The following ARPP19 variants were observed in gnomAD, a reference collection of about 807,000 sequenced individuals.
ARPP19 encodes cAMP regulated phosphoprotein 19, also known as cAMP-regulated phosphoprotein 19.
A neutral mutation model predicts 12.0 loss-of-function variants in ARPP19; 8 were observed. The observed-to-expected ratio is 0.67, with a 90% confidence interval of 0.39 to 1.21. The LOEUF (loss-of-function observed/expected upper bound fraction) is 1.21, where lower values mean the gene tolerates loss of function less well. Among genes scored for constraint, ARPP19 ranks in the 50% most tolerant of loss-of-function variants. ARPP19 has a pLI of 0.01. For missense variants in ARPP19, 102 were observed against 136.3 expected (o/e 0.75, Z 1.25); for synonymous variants, 47 against 50.4 (o/e 0.93, Z 0.29).
At chr15:52,556,343 ACT>A (rs796756213) in intron 2 of ARPP19, among the ~76,000 whole-genome samples, 6 of 152,094 alleles carry the variant, frequency 3.9e-5, no homozygotes, top group African/African-American at 9.6e-5. Flanking sequence ...TGAAGATGGA[ACT>A]CTCTAATTTT....
rs755293294 is a variant in ARPP19, at chr15:52,568,911, G to T, written c.-19C>A. On this transcript the variant is annotated 5_prime_UTR_variant, in exon 1 of 3. Coordinates refer to ENST00000249822, the MANE Select transcript of ARPP19 (RefSeq NM_006628.6). ...CAGACATAGTGCTCCCTCTGCAGACGAGACGCCGGGAAAAGATGCAATTAG... is the reference window on the plus strand; with the variant it reads ...CAGACATAGTGCTCCCTCTGCAGACTAGACGCCGGGAAAAGATGCAATTAG... 6.4e-7 allele frequency: 1 copy of T among 1,554,944 alleles called. No homozygotes were observed. The highest frequency in any genetic ancestry group is 8.7e-7 in the Non-Finnish European group (1 of 1,152,034).
At chr15:52,562,478 A>C (rs1463273067) in intron 1 of ARPP19, among the ~76,000 whole-genome samples, 1 of 152,186 alleles carries the variant, frequency 6.6e-6, no homozygotes, top group Non-Finnish European at 1.5e-5. Flanking sequence ...CTACCCGGGC[A>C]ACACAGTAAG....
intron 2 of ARPP19, among the ~76,000 whole-genome samples, chr15:52,556,729 G>C (rs961920386): frequency 5.9e-5 from 9 of 151,974 alleles, no homozygotes; most frequent in Admixed American, 2.0e-4. Context: ...TAAGGGAAAG[G>C]GCTCATATTT....
At position 52,568,969 on chromosome 15, in the gene ARPP19, C is replaced by T. The variant is rs1195398844; in HGVS notation, c.-77G>A. The T allele has an allele frequency of 2.3e-5, 25 of 1,078,384 alleles. 1 individual carries two copies. The highest frequency in any genetic ancestry group is 2.4e-4 in the Middle Eastern group (1 of 4,102). 66.8% of individuals were successfully genotyped at this position (1,078,384 alleles called of 1,614,324 possible). On this transcript the variant is annotated 5_prime_UTR_variant, in exon 1 of 3. Transcript: ENST00000249822. ...CCGAGGCCACCCGGCCGCCGCCCGT[C>T]CCAGCTCTCCCAGGGCCCGCCGGGC...
chr15:52,555,245 T>C (rs982021934), intron 2 of ARPP19, among the ~76,000 whole-genome samples: 1 of 152,178 alleles, frequency 6.6e-6, no homozygotes, highest in African/African-American at 2.4e-5. Flanking sequence ...GACTTGAAGA[T>C]ACTTAAAAAT....
At chr15:52,567,241 C>T (rs2078091838) in intron 1 of ARPP19, among the ~76,000 whole-genome samples, 1 of 152,162 alleles carries the variant, frequency 6.6e-6, no homozygotes, top group South Asian at 2.1e-4. Flanking sequence ...GCAGCTAAAA[C>T]CAAAGCACCT....
rs528905075 is a variant in ARPP19, at chr15:52,568,973, G to C, written c.-81C>G. 9.4e-7 allele frequency: 1 copy of C among 1,069,014 alleles called. No individual in the cohort carries two copies. 66.2% of individuals were successfully genotyped at this position (1,069,014 alleles called of 1,614,324 possible). ...GGCCACCCGGCCGCCGCCCGTCCCA[G>C]CTCTCCCAGGGCCCGCCGGGCCGCC... On this transcript the variant is annotated 5_prime_UTR_variant, in exon 1 of 3. Coordinates refer to ENST00000249822, the MANE Select transcript of ARPP19 (RefSeq NM_006628.6).
intron 2 of ARPP19, among the ~76,000 whole-genome samples, chr15:52,553,935 C>T (rs551454772): frequency 2.6e-5 from 4 of 152,314 alleles, no homozygotes; most frequent in African/African-American, 9.6e-5. Flanking sequence ...ATGTACCATA[C>T]GGAACAGTAA....
intron 1 of ARPP19, among the ~76,000 whole-genome samples, chr15:52,560,640 T>C (rs2078023627): frequency 6.6e-6 from 1 of 152,248 alleles, no homozygotes; most frequent in Admixed American, 6.5e-5. Flanking sequence ...AGAAACATTC[T>C]ACAGAGCTAG....
chr15:52,558,643 C>T (rs2078004935), intron 1 of ARPP19, among the ~76,000 whole-genome samples: 1 of 151,692 alleles, frequency 6.6e-6, no homozygotes, highest in Non-Finnish European at 1.5e-5. Context: ...TAGGAATAGT[C>T]AAAGCAGGAA....
chr15:52,556,082 T>C (rs2077978841), intron 2 of ARPP19, among the ~76,000 whole-genome samples: 1 of 152,094 alleles, frequency 6.6e-6, no homozygotes, highest in Non-Finnish European at 1.5e-5. Flanking sequence ...TCCATCATCC[T>C]AGTATTTCAA....
At chr15:52,568,574 TGG>T (rs922193449) in intron 1 of ARPP19, 2 of 420,848 alleles carry the variant, frequency 4.8e-6, no homozygotes, top group African/African-American at 2.1e-5. Flanking sequence ...GCCTGCGTCC[TGG>T]GCTCTCGCGT....
In ARPP19 at chr15:52,549,839, A is replaced by G. The variant is rs973455667; in HGVS notation, c.*2095T>C. 6 of 152,228 alleles carry G rather than the reference A, an allele frequency of 3.9e-5. No individual in the cohort carries two copies. The highest frequency in any genetic ancestry group is 1.5e-4 in the African/African-American group (6 of 41,208). 9.4% of individuals were successfully genotyped at this position (152,228 alleles called of 1,614,324 possible). On this transcript the variant is annotated 3_prime_UTR_variant, in exon 3 of 3. Coordinates refer to ENST00000249822, the MANE Select transcript of ARPP19 (RefSeq NM_006628.6). ...AACTTCTTAAATTGATTCTATAATG[A>G]GTATATACTTGCTCTCATTACAAAT... is the stretch of plus-strand genomic sequence containing the variant.
chr15:52,560,490 A>G (rs1472911454), intron 1 of ARPP19, among the ~76,000 whole-genome samples: 2 of 152,238 alleles, frequency 1.3e-5, no homozygotes, highest in Non-Finnish European at 2.9e-5. Flanking sequence ...AGCACAACTG[A>G]AAGCCCCTGC....
At chr15:52,565,124 T>A (rs1595868223) in intron 1 of ARPP19, among the ~76,000 whole-genome samples, 1 of 151,022 alleles carries the variant, frequency 6.6e-6, no homozygotes, top group Admixed American at 6.6e-5. Context: ...CAAAGGTCCC[T>A]GTGGTTTTGA....
intron 1 of ARPP19, among the ~76,000 whole-genome samples, chr15:52,561,657 A>G (rs533127266): frequency 6.6e-6 from 1 of 152,084 alleles, no homozygotes; most frequent in Admixed American, 6.5e-5. Flanking sequence ...AAGAAAAATA[A>G]AAAAAATTTT....
At chr15:52,564,326 T>G in intron 1 of ARPP19, 1 of 1,047,924 alleles carries the variant, frequency 9.5e-7, no homozygotes. Context: ...GGTGGGAGGC[T>G]AGGTGAACCC....
intron 2 of ARPP19, 43 bp from the exon 3 acceptor site, chr15:52,552,147 T>C (rs1273781285): frequency 9.6e-6 from 12 of 1,246,890 alleles, no homozygotes; most frequent in Non-Finnish European, 1.4e-5. Flanking sequence ...AGCTTAGCAA[T>C]TACTGATTTA....
chr15:52,552,730 A>C (rs1200805347), intron 2 of ARPP19, among the ~76,000 whole-genome samples: 1 of 152,066 alleles, frequency 6.6e-6, no homozygotes, highest in East Asian at 1.9e-4. Flanking sequence ...TCATTTACTA[A>C]TGGAACAACC....
Sources: gnomAD v4.1 joint callset for allele counts (sites outside exome capture counted in the v4.1 genomes callset) on GRCh38, gnomAD v4.1.1 for gene constraint, MANE v1.5 for transcripts, NCBI Gene and HGNC (gene_info 2026-07-23, HGNC 2026-07-21) for gene names.